The following POLR2B variants were observed in gnomAD, a reference collection of about 807,000 sequenced individuals.
POLR2B encodes the protein RNA polymerase II subunit B, also known as DNA-directed RNA polymerase II subunit RPB2.
POLR2B carries 57 observed loss-of-function variants against 144.6 expected under a neutral mutation model. That is an observed-to-expected ratio of 0.39 (90% CI 0.32 to 0.49). POLR2B has a LOEUF of 0.49. Among genes scored for constraint, POLR2B ranks in the 20% least tolerant of loss-of-function variants. The pLI, the probability that POLR2B is intolerant of heterozygous loss-of-function variation, is 0.83. For synonymous variants in POLR2B, 442 were observed against 469.8 expected (o/e 0.94, Z 0.77); for missense variants, 595 against 1,467.4 (o/e 0.41, Z 9.71).
chr4:56,999,746 A>G lies in POLR2B; in HGVS notation c.865A>G (p.Ile289Val). 1 of 1,610,624 alleles carries G rather than the reference A, an allele frequency of 6.2e-7. No individual in the cohort carries two copies. The highest frequency in any genetic ancestry group is 1.3e-5 in the African/African-American group (1 of 74,954). Residue 289 changes from isoleucine (I) to valine (V), a missense_variant, in exon 7 of 25, where the codon ATT (isoleucine) becomes GTT (valine). By Grantham distance (29) the Ile-to-Val change is conservative. Transcript: ENST00000314595. The part of the protein sequence containing the change: ...VSDRDILEHI[I>V]YDFEDPEMME... ...CGACAGAGATATTTTAGAACATATT[A>G]TTTATGATTTTGAAGATCCAGAGAT...
chr4:56,983,174 A>C (rs1722207971), intron 1 of POLR2B, among the ~76,000 whole-genome samples: 1 of 151,968 alleles, frequency 6.6e-6, no homozygotes, highest in South Asian at 2.1e-4. Context: ...TTCTTATTCC[A>C]CTTCCAACTT....
At chr4:56,982,302 G>A (rs1722179924) in intron 1 of POLR2B, among the ~76,000 whole-genome samples, 1 of 151,728 alleles carries the variant, frequency 6.6e-6, no homozygotes, top group African/African-American at 2.4e-5. Context: ...GTATCTGTAG[G>A]TTTCACATCT....
intron 7 of POLR2B, among the ~76,000 whole-genome samples, chr4:57,003,227 C>G (rs139200302): frequency 4.0e-5 from 6 of 148,486 alleles, no homozygotes; most frequent in South Asian, 4.3e-4. Context: ...GTCAGGAGAT[C>G]GAGACCATCC....
chr4:57,022,949 G>A (rs1224158996), intron 18 of POLR2B, among the ~76,000 whole-genome samples: 3 of 152,008 alleles, frequency 2.0e-5, no homozygotes, highest in Non-Finnish European at 4.4e-5. Flanking sequence ...GTGTACAGAG[G>A]GCATCCATAG....
At chr4:57,012,277 T>C (rs1008545424) in intron 13 of POLR2B, among the ~76,000 whole-genome samples, 2 of 152,014 alleles carry the variant, frequency 1.3e-5, no homozygotes. Flanking sequence ...TGGTAGCATG[T>C]GCCTGTAGTC....
intron 17 of POLR2B, among the ~76,000 whole-genome samples, chr4:57,021,873 A>G (rs1489071566): frequency 6.6e-6 from 1 of 152,114 alleles, no homozygotes; most frequent in African/African-American, 2.4e-5. Flanking sequence ...TATGTAATGG[A>G]TTCTTAAATG....
chr4:57,000,540 A>G (rs1257429214), intron 7 of POLR2B, among the ~76,000 whole-genome samples: 5 of 152,198 alleles, frequency 3.3e-5, no homozygotes, highest in Admixed American at 6.5e-5. Context: ...CTTTCTATAT[A>G]TAACACATTT....
At chr4:57,027,217 C>T (rs1022408114) in intron 23 of POLR2B, among the ~76,000 whole-genome samples, 2 of 152,014 alleles carry the variant, frequency 1.3e-5, no homozygotes, top group Non-Finnish European at 2.9e-5. Flanking sequence ...CCATTTTGCC[C>T]AGGCTGGTCT....
At chr4:57,014,504 CT>C (rs773847681) in intron 13 of POLR2B, among the ~76,000 whole-genome samples, 235 of 66,644 alleles carry the variant, frequency 3.5e-3, no homozygotes, top group African/African-American at 8.3e-3. Context: ...CTTTTTTTTT[CT>C]TTTTTTTTTT....
chr4:56,981,768 AAATAAT>A (rs1349337889), intron 1 of POLR2B, among the ~76,000 whole-genome samples: 1 of 152,228 alleles, frequency 6.6e-6, no homozygotes, highest in Non-Finnish European at 1.5e-5. Flanking sequence ...AAACTTATAA[AAATAAT>A]AAGCTGTCCT....
chr4:57,000,527 A>C lies in POLR2B; in HGVS notation c.900+746A>C, dbSNP rs560204027. 9.2e-5 allele frequency among the ~76,000 whole-genome samples: 14 copies of C among 152,266 alleles called. No individual in the cohort carries two copies. The South Asian group carries it at 2.9e-3, about 32-fold the overall frequency. Reference sequence around the variant, plus strand: ...TTTTGTCACATTTGCTTTATCATTCATTCTTTCTATATATAACACATTTTT... The same window carrying C: ...TTTTGTCACATTTGCTTTATCATTCCTTCTTTCTATATATAACACATTTTT... On this transcript the variant is annotated intron_variant, in intron 7 of 24. Coordinates refer to ENST00000314595, the MANE Select transcript of POLR2B (RefSeq NM_000938.3).
Position 57,014,480 on chromosome 4 carries a change from C to T in POLR2B, c.1801-1022C>T, listed in dbSNP as rs369874370. On this transcript the variant is annotated intron_variant, in intron 13 of 24. Transcript: ENST00000314595. ...AAAGTGTTGGGATTACTGGCATGAG[C>T]CACCGTGCCTGGTCTTTTTTTTTCT... Among the ~76,000 whole-genome samples the T allele has an allele frequency of 8.6e-5, 13 of 151,240 alleles. No homozygotes were observed. The South Asian group carries it at 1.0e-3, about 12-fold the overall frequency.
At chr4:56,999,820 G>A in intron 7 of POLR2B, 39 bp downstream of exon 7, 1 of 1,393,322 alleles carries the variant, frequency 7.2e-7, no homozygotes, top group South Asian at 1.2e-5. Flanking sequence ...AGCTTTATAA[G>A]AGATTTAGAG....
intron 5 of POLR2B, 48 bp downstream of exon 5, chr4:56,994,914 A>T (rs1722630329): frequency 2.0e-5 from 20 of 1,013,918 alleles, no homozygotes; most frequent in Non-Finnish European, 2.8e-5. Flanking sequence ...GTTAAAATTT[A>T]GTTTAAAGTT....
At chr4:56,991,937 C>T (rs1722519328) in intron 3 of POLR2B, among the ~76,000 whole-genome samples, 1 of 152,142 alleles carries the variant, frequency 6.6e-6, no homozygotes. Flanking sequence ...AGATTATAGG[C>T]ATGAGCCACT....
In POLR2B at chr4:57,024,880, T is replaced by TA; in HGVS notation, c.2965-2dup. The TA allele has an allele frequency of 6.9e-7, 1 of 1,457,364 alleles. No homozygotes were observed. Among genetic ancestry groups the TA allele is most frequent in the Non-Finnish European group, 9.5e-7 (1 of 1,049,974 alleles). 90.3% of individuals were successfully genotyped at this position (1,457,364 alleles called of 1,614,324 possible). On this transcript the variant is annotated splice_region_variant and splice_polypyrimidine_tract_variant and intron_variant, in intron 21 of 24. Transcript: ENST00000314595. The stretch of plus-strand genomic sequence containing the variant: ...ACATTTTAAAGAGTACTTTTTTTTT[T>TA]AAAAGGTATCGGCTAACAAGGGTGA...
At chr4:56,995,577 C>T (rs1722653423) in intron 6 of POLR2B, among the ~76,000 whole-genome samples, 168 bp downstream of exon 6, 1 of 152,216 alleles carries the variant, frequency 6.6e-6, no homozygotes, top group Non-Finnish European at 1.5e-5. Flanking sequence ...CAACATTTAT[C>T]ATCTCACGGC....
Position 57,005,286 on chromosome 4 carries a change from A to G in POLR2B, c.941A>G (p.Gln314Arg). Residue 314 changes from glutamine (Q) to arginine (R), a missense_variant, in exon 8 of 25, where the codon CAG becomes CGG. Physicochemically the swap from Gln to Arg is conservative, Grantham distance 43. Coordinates refer to ENST00000314595, the MANE Select transcript of POLR2B (RefSeq NM_000938.3). ...SLDEAFVIQE[Q>R]NVALNFIGSR... ...GATGAAGCTTTTGTCATCCAAGAAC[A>G]GAATGTTGCACTAAATTTCATTGGT... 6.3e-7 allele frequency: 1 copy of G among 1,592,600 alleles called. No homozygotes were observed. The highest frequency in any genetic ancestry group is 8.5e-7 in the Non-Finnish European group (1 of 1,173,080).
intron 24 of POLR2B, 94 bp from the exon 25 acceptor site, chr4:57,030,805 A>T (rs1010626743): frequency 1.4e-6 from 1 of 731,108 alleles, no homozygotes; most frequent in Non-Finnish European, 2.5e-6. Context: ...TTTATTCATT[A>T]TCTACAGTAC....
Sources: gnomAD v4.1 joint callset for allele counts (sites outside exome capture counted in the v4.1 genomes callset) on GRCh38, gnomAD v4.1.1 for gene constraint, MANE v1.5 for transcripts, NCBI Gene and HGNC (gene_info 2026-07-23, HGNC 2026-07-21) for gene names.